The following EED variants were observed in gnomAD, a reference collection of about 807,000 sequenced individuals.
The protein encoded by EED is polycomb protein EED.
In EED, 9 loss-of-function variants were observed where a neutral mutation model predicts 61.0. That is an observed-to-expected ratio of 0.15 (90% confidence interval 0.09 to 0.26). The LOEUF (loss-of-function observed/expected upper bound fraction) is 0.26, where lower values mean the gene tolerates loss of function less well. Among genes scored for constraint, EED ranks in the 10% least tolerant of loss-of-function variants. The pLI is 1.00. For missense variants in EED, 315 were observed against 542.3 expected, an observed-to-expected ratio of 0.58 and a Z score of 4.16; for synonymous variants, 187 against 174.4, an observed-to-expected ratio of 1.07 and a Z score of -0.57.
chr11:86,272,378 A>G (rs1227380989), intron 9 of EED, among the ~76,000 whole-genome samples: 1 of 151,998 alleles, frequency 6.6e-6, no homozygotes, highest in Non-Finnish European at 1.5e-5. Context: ...TATTTTGCTC[A>G]ACTTTTATCA....
downstream of EED, among the ~76,000 whole-genome samples, chr11:86,282,226 G>T (rs1225637893): frequency 1.3e-5 from 2 of 152,116 alleles, no homozygotes; most frequent in African/African-American, 4.8e-5. Context: ...AATTATATAT[G>T]CAGTTTATTT....
intron 6 of EED, among the ~76,000 whole-genome samples, chr11:86,258,102 T>G (rs897554494): frequency 6.6e-6 from 1 of 152,108 alleles, no homozygotes; most frequent in Admixed American, 6.5e-5. Context: ...CCTCCCACCC[T>G]CTACCCTCCA....
At position 86,250,399 on chromosome 11, in the gene EED, G is replaced by T; in HGVS notation, c.218G>T (p.Trp73Leu). The T allele has an allele frequency of 6.2e-7, 1 of 1,607,756 alleles. No homozygotes were observed. Among genetic ancestry groups the T allele is most frequent in the Non-Finnish European group, 8.5e-7 (1 of 1,177,306 alleles). ...AGGAAAAGTTGGGGAAAGGGAAAAT[G>T]GAAGTCAAAGAAATGCAAATATTCT... ...PGRKSWGKGK[W>L]KSKKCKYSFK... Residue 73 changes from tryptophan to leucine, a missense_variant, in exon 2 of 12, where the codon TGG becomes TTG. Physicochemically the swap from Trp to Leu is moderately conservative, Grantham distance 61. Around this residue, in one of 2 missense-constraint regions of EED, gnomAD observed 205 missense variants for 455.4 expected, o/e 0.45. Transcript: ENST00000263360.
intron 2 of EED, 110 bp downstream of exon 2, chr11:86,250,558 G>T: frequency 8.1e-7 from 1 of 1,231,820 alleles, no homozygotes; most frequent in Non-Finnish European, 1.1e-6. Flanking sequence ...ATATTTTAAA[G>T]TTACAATGTT....
rs1945638881 is a variant in EED, at chr11:86,255,218, T to C, written c.361-4T>C. The C allele has an allele frequency of 6.2e-7, 1 of 1,602,938 alleles. No homozygotes were observed. Among genetic ancestry groups the C allele is most frequent in the African/African-American group, 1.3e-5 (1 of 74,716 alleles). On this transcript the variant is annotated splice_polypyrimidine_tract_variant and splice_region_variant and intron_variant, in intron 3 of 11. Transcript: ENST00000263360. ...GAAATTTACTGTATTTTTATTTTCATTAGGTTACCTTGTATGAATGTCATT... is the reference window on the plus strand; with the variant it reads ...GAAATTTACTGTATTTTTATTTTCACTAGGTTACCTTGTATGAATGTCATT...
At chr11:86,280,787 A>G (rs577915035), downstream of EED, among the ~76,000 whole-genome samples, 1 of 152,212 alleles carries the variant, frequency 6.6e-6, no homozygotes, top group Non-Finnish European at 1.5e-5. Context: ...AATGAGTATG[A>G]TGTTAGTTAT....
At chr11:86,250,256 T>A in intron 1 of EED, 40 bp from the exon 2 acceptor site, 1 of 1,457,928 alleles carries the variant, frequency 6.9e-7, no homozygotes, top group Non-Finnish European at 9.1e-7. Flanking sequence ...AAAAACAGTA[T>A]TGCTGTTTCA....
At chr11:86,277,866 T>C in intron 10 of EED, 52 bp from the exon 11 acceptor site, 3 of 1,490,018 alleles carry the variant, frequency 2.0e-6, no homozygotes, top group Non-Finnish European at 2.7e-6. Flanking sequence ...TCCAATGCTT[T>C]AGAACCTGGT....
intron 8 of EED, 91 bp downstream of exon 8, chr11:86,266,307 A>G: frequency 8.4e-7 from 1 of 1,193,038 alleles, no homozygotes; most frequent in South Asian, 1.9e-5. Flanking sequence ...AAGCCCCAAC[A>G]ATGAGTTTAG....
intron 9 of EED, among the ~76,000 whole-genome samples, chr11:86,272,643 G>A (rs1279197526): frequency 6.6e-6 from 1 of 152,134 alleles, no homozygotes; most frequent in African/African-American, 2.4e-5. Flanking sequence ...TTTCAGTTCT[G>A]TCACGTTTTG....
chr11:86,266,957 G>A (rs1945995442), intron 8 of EED, among the ~76,000 whole-genome samples: 1 of 152,078 alleles, frequency 6.6e-6, no homozygotes, highest in African/African-American at 2.4e-5. Context: ...AAATTTGTAA[G>A]CATCAGTAAA....
In EED at chr11:86,272,311, G is replaced by C. The variant is rs560469214; in HGVS notation, c.966+3750G>C. Among the ~76,000 whole-genome samples the C allele has an allele frequency of 6.6e-5, 10 of 151,712 alleles. No homozygotes were observed. In the East Asian group the frequency reaches 1.8e-3, roughly 27 times the overall value. On this transcript the variant is annotated intron_variant, in intron 9 of 11. Coordinates refer to ENST00000263360, the MANE Select transcript of EED (RefSeq NM_003797.5). ...CTGACCTGGTGATCCACCTGCTTCGGCCTCCCGACGTGCTGGGGTTACAGG... is the reference window on the plus strand; with the variant it reads ...CTGACCTGGTGATCCACCTGCTTCGCCCTCCCGACGTGCTGGGGTTACAGG...
intron 5 of EED, 100 bp from the exon 6 acceptor site, chr11:86,257,415 C>A: frequency 4.1e-6 from 3 of 726,888 alleles, no homozygotes; most frequent in East Asian, 4.2e-5. Flanking sequence ...TTGAGAACCA[C>A]TACTTTAAGT....
At position 86,268,591 on chromosome 11, in the gene EED, C is replaced by T. The variant is rs567222801; in HGVS notation, c.966+30C>T. 4.2e-3 allele frequency: 4,342 copies of T among 1,031,792 alleles called. 31 individuals are homozygous for T. The highest frequency in any genetic ancestry group is 3.4e-3 in the Non-Finnish European group (2,421 of 704,290). 63.9% of individuals were successfully genotyped at this position (1,031,792 alleles called of 1,614,324 possible). On this transcript the variant is annotated intron_variant, in intron 9 of 11. Transcript: ENST00000263360. Reference sequence around the variant, plus strand: ...GGTAACTGCAGTTAAGCTGTACTTCCATCGTGTGTGTGTGTGTGTGTGTGT... The same window carrying T: ...GGTAACTGCAGTTAAGCTGTACTTCTATCGTGTGTGTGTGTGTGTGTGTGT...
At chr11:86,268,687 G>A in intron 9 of EED, 126 bp downstream of exon 9, 1 of 541,056 alleles carries the variant, frequency 1.8e-6, no homozygotes, top group South Asian at 4.8e-5. Flanking sequence ...TAAATTGAAT[G>A]GCAGCTGGGA....
In EED at chr11:86,245,000, G is replaced by A. The variant is rs1282875689; in HGVS notation, c.-230G>A. ...AGACGGGAGTTGGGGAAGGGAAGGA[G>A]CCAGGAAGCCGCGCGGGAGGGCGCG... On this transcript the variant is annotated 5_prime_UTR_variant, in exon 1 of 12. Coordinates refer to ENST00000263360, the MANE Select transcript of EED (RefSeq NM_003797.5). 4 of 453,976 alleles carry A rather than the reference G, an allele frequency of 8.8e-6. No homozygotes were observed. The highest frequency in any genetic ancestry group is 1.6e-5 in the Non-Finnish European group (4 of 255,650). The allele number at this position is 453,976 out of a possible 1,614,324, so 28.1% of individuals were successfully genotyped here.
chr11:86,280,788 TGTTA>T (rs1333550766), downstream of EED, among the ~76,000 whole-genome samples: 1 of 152,234 alleles, frequency 6.6e-6, no homozygotes, highest in Non-Finnish European at 1.5e-5. Flanking sequence ...ATGAGTATGA[TGTTA>T]GTTATTGGCA....
At chr11:86,250,265 C>T in intron 1 of EED, 31 bp from the exon 2 acceptor site, 1 of 1,466,058 alleles carries the variant, frequency 6.8e-7, no homozygotes, top group Non-Finnish European at 9.0e-7. Context: ...ATTGCTGTTT[C>T]ATGTAATTTT....
At chr11:86,273,660 A>T (rs1234270681) in intron 9 of EED, among the ~76,000 whole-genome samples, 1 of 152,150 alleles carries the variant, frequency 6.6e-6, no homozygotes, top group East Asian at 1.9e-4. Context: ...TGAAGGATGT[A>T]TTCACTCGAT....
Sources: allele counts gnomAD v4.1 joint callset (sites outside exome capture counted in the v4.1 genomes callset), GRCh38; gene constraint gnomAD v4.1.1; regional missense constraint gnomAD v4.1.1; transcripts MANE v1.5; gene names NCBI Gene and HGNC (gene_info 2026-07-23, HGNC 2026-07-21).